The following MAGI1 variants were observed in gnomAD, a reference collection of about 807,000 sequenced individuals.
The protein encoded by MAGI1 is membrane associated guanylate kinase, WW and PDZ domain containing 1, also known as membrane-associated guanylate kinase, WW and PDZ domain-containing protein 1.
Under a neutral mutation model 139.9 loss-of-function variants are expected in MAGI1, and 58 were observed. The observed-to-expected ratio is 0.41, with a 90% CI of 0.34 to 0.52. The LOEUF is 0.52. MAGI1 is among the 20% of genes least tolerant of loss of function. The pLI is 0.12. For missense variants in MAGI1, 1,874 were observed against 1,901.6 expected (o/e 0.99, Z 0.27); for synonymous variants, 812 against 737.9 (o/e 1.10, Z -1.63).
intron 1 of MAGI1, among the ~76,000 whole-genome samples, chr3:65,989,180 C>T (rs1362463565): frequency 2.0e-5 from 3 of 152,146 alleles, no homozygotes; most frequent in Non-Finnish European, 4.4e-5. Flanking sequence ...CAGTAAGCCT[C>T]AAACATGGAA....
chr3:65,405,043 C>A (rs1230201919), intron 12 of MAGI1, among the ~76,000 whole-genome samples: 1 of 152,122 alleles, frequency 6.6e-6, no homozygotes, highest in Non-Finnish European at 1.5e-5. Flanking sequence ...TCAGAAGAGG[C>A]AGAAGAAAGA....
chr3:65,889,924 G>T (rs1383114356), intron 1 of MAGI1, among the ~76,000 whole-genome samples: 4 of 152,190 alleles, frequency 2.6e-5, no homozygotes, highest in Non-Finnish European at 2.9e-5. Flanking sequence ...TATGAAGATG[G>T]TCACTGCAGT....
intron 12 of MAGI1, among the ~76,000 whole-genome samples, chr3:65,421,194 C>A (rs942920237): frequency 6.6e-6 from 1 of 152,012 alleles, no homozygotes; most frequent in African/African-American, 2.4e-5. Context: ...AAATAAAATC[C>A]CTGATAACTT....
chr3:65,955,493 G>A (rs2064077876), intron 1 of MAGI1, among the ~76,000 whole-genome samples: 1 of 152,170 alleles, frequency 6.6e-6, no homozygotes, highest in South Asian at 2.1e-4. Context: ...TGAAGCAGGA[G>A]AAGGCTCGGA....
chr3:65,911,538 T>A (rs1354367091), intron 1 of MAGI1, among the ~76,000 whole-genome samples: 1 of 152,112 alleles, frequency 6.6e-6, no homozygotes, highest in Non-Finnish European at 1.5e-5. Flanking sequence ...CAGGGTAGAT[T>A]TTTTTTGCAC....
chr3:65,629,970 A>G (rs1392616980), intron 1 of MAGI1, among the ~76,000 whole-genome samples: 1 of 152,230 alleles, frequency 6.6e-6, no homozygotes, highest in Non-Finnish European at 1.5e-5. Flanking sequence ...TGAAAAAGCA[A>G]TATGAATTAA....
At chr3:66,027,584 T>G (rs1294008974) in intron 1 of MAGI1, among the ~76,000 whole-genome samples, 1 of 152,228 alleles carries the variant, frequency 6.6e-6, no homozygotes, top group African/African-American at 2.4e-5. Context: ...ACCTGACTTC[T>G]CAAGCTAATT....
At chr3:65,930,286 A>C (rs1169387862) in intron 1 of MAGI1, among the ~76,000 whole-genome samples, 1 of 140,968 alleles carries the variant, frequency 7.1e-6, no homozygotes, top group Admixed American at 7.7e-5. Context: ...ACTGCACTCC[A>C]GCCTGGGCGA....
chr3:65,506,791 G>C (rs1310942254), intron 2 of MAGI1, among the ~76,000 whole-genome samples: 1 of 152,042 alleles, frequency 6.6e-6, no homozygotes, highest in Non-Finnish European at 1.5e-5. Flanking sequence ...TATTTATTGA[G>C]CAAATATTAT....
At chr3:65,903,468 A>G (rs532049014) in intron 1 of MAGI1, among the ~76,000 whole-genome samples, 1 of 152,204 alleles carries the variant, frequency 6.6e-6, no homozygotes, top group East Asian at 1.9e-4. Context: ...CTAGGGCAGC[A>G]TAAGAATGAA....
intron 1 of MAGI1, among the ~76,000 whole-genome samples, chr3:65,914,649 G>C (rs532460394): frequency 6.6e-6 from 1 of 152,172 alleles, no homozygotes; most frequent in Non-Finnish European, 1.5e-5. Flanking sequence ...CCATCCTTAA[G>C]AGGATTTGAG....
chr3:65,783,661 AT>A (rs1316382295), intron 1 of MAGI1, among the ~76,000 whole-genome samples: 1 of 151,182 alleles, frequency 6.6e-6, no homozygotes, highest in South Asian at 2.1e-4. Context: ...TGCCCAGCTA[AT>A]TTTTTTTGTA....
intron 1 of MAGI1, among the ~76,000 whole-genome samples, chr3:65,655,125 T>G (rs1026193010): frequency 6.6e-6 from 1 of 152,138 alleles, no homozygotes; most frequent in Non-Finnish European, 1.5e-5. Flanking sequence ...TTCCTACCAG[T>G]GTAAAGCAGG....
intron 1 of MAGI1, among the ~76,000 whole-genome samples, chr3:66,003,223 A>G (rs990170962): frequency 1.3e-5 from 2 of 151,730 alleles, no homozygotes; most frequent in African/African-American, 4.8e-5. Context: ...CCTAATACAA[A>G]CTCTTCCCTC....
At chr3:65,878,342 C>T (rs1241258007) in intron 1 of MAGI1, among the ~76,000 whole-genome samples, 1 of 151,968 alleles carries the variant, frequency 6.6e-6, no homozygotes, top group African/African-American at 2.4e-5. Flanking sequence ...TATGGTGAAA[C>T]CTCGTCTCGA....
At chr3:65,418,333 T>C (rs1163719011) in intron 12 of MAGI1, among the ~76,000 whole-genome samples, 2 of 152,208 alleles carry the variant, frequency 1.3e-5, no homozygotes, top group Admixed American at 1.3e-4. Context: ...ACAAACAATA[T>C]CCTCAGTCCT....
intron 1 of MAGI1, among the ~76,000 whole-genome samples, chr3:65,632,018 C>G (rs1233751568): frequency 7.1e-6 from 1 of 140,032 alleles, no homozygotes; most frequent in African/African-American, 2.8e-5. Flanking sequence ...GAATGAGACT[C>G]CGTCTCAAAA....
chr3:65,999,095 T>G (rs1407126832), intron 1 of MAGI1, among the ~76,000 whole-genome samples: 2 of 151,982 alleles, frequency 1.3e-5, no homozygotes, highest in Non-Finnish European at 2.9e-5. Context: ...AGTTCCGGGG[T>G]ACATGTGCAG....
At chr3:65,679,942 C>G (rs1246946493) in intron 1 of MAGI1, among the ~76,000 whole-genome samples, 1 of 152,126 alleles carries the variant, frequency 6.6e-6, no homozygotes. Context: ...TACTGTAGGA[C>G]CAGGATATGG....
Sources: allele counts gnomAD v4.1 joint callset (sites outside exome capture counted in the v4.1 genomes callset), GRCh38; gene constraint gnomAD v4.1.1; transcripts MANE v1.5; gene names NCBI Gene and HGNC (gene_info 2026-07-23, HGNC 2026-07-21).